The following EXOC4 variants were observed in gnomAD, a reference collection of about 807,000 sequenced individuals.
EXOC4 encodes SEC8-like 1.
EXOC4 carries 71 observed loss-of-function variants against 107.2 expected under a neutral mutation model. That is an observed-to-expected ratio of 0.66 (90% CI 0.55 to 0.81). The LOEUF (loss-of-function observed/expected upper bound fraction) is 0.81, where lower values mean the gene tolerates loss of function less well. Ranked by LOEUF, EXOC4 falls within the 30% of genes least tolerant of loss-of-function variation. EXOC4 has a pLI of 0.00. For synonymous variants in EXOC4, 456 were observed against 441.2 expected, an observed-to-expected ratio of 1.03 and a Z score of -0.42; for missense variants, 1,108 against 1,189.6, an observed-to-expected ratio of 0.93 and a Z score of 1.01.
At chr7:133,797,564 T>C (rs1796843356) in intron 10 of EXOC4, among the ~76,000 whole-genome samples, 1 of 152,216 alleles carries the variant, frequency 6.6e-6, no homozygotes. Flanking sequence ...ATGCATGGGC[T>C]AAATATAAGG....
chr7:133,500,930 A>T (rs1799563475), intron 9 of EXOC4, among the ~76,000 whole-genome samples: 1 of 152,146 alleles, frequency 6.6e-6, no homozygotes, highest in African/African-American at 2.4e-5. Flanking sequence ...CTCTTGTGAG[A>T]ATTCATCTAG....
chr7:133,895,874 ATAGCCTCCTAGACC>A, intron 12 of EXOC4, 139 bp downstream of exon 12: 1 of 881,648 alleles, frequency 1.1e-6, no homozygotes, highest in South Asian at 1.8e-5. Context: ...CATCATGGAA[ATAGCCTCCTAGACC>A]TTTGTGTAGT....
rs558951433 is a variant in EXOC4, at chr7:134,059,165, A to C, written c.2688-5126A>C. Among the ~76,000 whole-genome samples the C allele has an allele frequency of 4.6e-5, 7 of 152,312 alleles. No individual in the cohort carries two copies. The South Asian group carries it at 1.4e-3, about 32-fold the overall frequency. ...TACAGGCAAAGTTTATGGAACGCCT[A>C]CAAGTACAGGAACAAGAGTTGCCAT... On this transcript the variant is annotated intron_variant, in intron 17 of 17. Transcript: ENST00000253861.
At chr7:133,604,088 G>C (rs1434098719) in intron 9 of EXOC4, among the ~76,000 whole-genome samples, 1 of 151,806 alleles carries the variant, frequency 6.6e-6, no homozygotes, top group African/African-American at 2.4e-5. Context: ...ACAGGGTCAG[G>C]ATCATCAGTA....
At chr7:133,830,938 T>G (rs924355178) in intron 11 of EXOC4, among the ~76,000 whole-genome samples, 2 of 152,066 alleles carry the variant, frequency 1.3e-5, no homozygotes, top group Non-Finnish European at 2.9e-5. Flanking sequence ...TCACTTTCCT[T>G]TCTTCTGATG....
intron 10 of EXOC4, among the ~76,000 whole-genome samples, chr7:133,712,514 C>G (rs1462415743): frequency 6.7e-6 from 1 of 148,210 alleles, no homozygotes; most frequent in African/African-American, 2.5e-5. Flanking sequence ...CAAAAGGGTT[C>G]CACCATGATG....
chr7:133,453,865 T>C (rs1798404725), intron 7 of EXOC4, among the ~76,000 whole-genome samples: 1 of 152,152 alleles, frequency 6.6e-6, no homozygotes, highest in Non-Finnish European at 1.5e-5. Context: ...TTGTGACAGC[T>C]AGATGATTTT....
intron 13 of EXOC4, among the ~76,000 whole-genome samples, chr7:133,922,728 G>A (rs1799963787): frequency 6.6e-6 from 1 of 151,940 alleles, no homozygotes; most frequent in Non-Finnish European, 1.5e-5. Flanking sequence ...GGTGCCTGTA[G>A]TCCCCAGCTA....
intron 14 of EXOC4, among the ~76,000 whole-genome samples, chr7:133,942,033 C>T (rs928618284): frequency 1.3e-5 from 2 of 152,078 alleles, no homozygotes; most frequent in African/African-American, 2.4e-5. Flanking sequence ...AATTGTTAGA[C>T]TATTTTTCAG....
At chr7:133,253,957 TACTG>T (rs1172430953) in intron 1 of EXOC4, 4 of 152,200 alleles carry the variant, frequency 2.6e-5, no homozygotes, top group African/African-American at 9.6e-5. Flanking sequence ...ATGATGCAGG[TACTG>T]ACTAAAACCA....
chr7:133,583,121 G>GT (rs1019047321), intron 9 of EXOC4, among the ~76,000 whole-genome samples: 7 of 151,872 alleles, frequency 4.6e-5, no homozygotes, highest in South Asian at 2.1e-4. Flanking sequence ...TTTAGAGTGT[G>GT]TTTTTTTTCT....
At chr7:134,084,457 A>G in the EXOC4 span, among the ~76,000 whole-genome samples, 1 of 152,192 alleles carries the variant, frequency 6.6e-6, no homozygotes, top group African/African-American at 2.4e-5. Context: ...AAGAGTGACT[A>G]GTGGCACTGA....
At chr7:133,275,272 G>C in intron 2 of EXOC4, 101 bp downstream of exon 2, 1 of 998,310 alleles carries the variant, frequency 1.0e-6, no homozygotes, top group Non-Finnish European at 1.4e-6. Flanking sequence ...CCTTAACAAA[G>C]TGATTCAAAA....
At chr7:134,062,752 C>G (rs1369857761) in intron 17 of EXOC4, among the ~76,000 whole-genome samples, 1 of 152,214 alleles carries the variant, frequency 6.6e-6, no homozygotes, top group Non-Finnish European at 1.5e-5. Context: ...GCTTCAGAGT[C>G]CAGTAGACTG....
chr7:133,752,102 A>G lies in EXOC4; in HGVS notation c.1515-65223A>G, dbSNP rs1392869393. ...CAGGAGCCCAGGAGTTTGCAGGTAC[A>G]GTGAGCTATGATCGTGCCACTGCAC... On this transcript the variant is annotated intron_variant, in intron 10 of 17. Coordinates refer to ENST00000253861, the MANE Select transcript of EXOC4 (RefSeq NM_021807.4). 2.6e-5 allele frequency among the ~76,000 whole-genome samples: 4 copies of G among 152,204 alleles called. No individual in the cohort carries two copies. The East Asian group carries it at 5.8e-4, about 22-fold the overall frequency.
intron 11 of EXOC4, among the ~76,000 whole-genome samples, chr7:133,854,609 C>G (rs1416221341): frequency 6.6e-6 from 1 of 151,992 alleles, no homozygotes; most frequent in Non-Finnish European, 1.5e-5. Flanking sequence ...CTCCTTTAAT[C>G]CACTCAGCAG....
intron 10 of EXOC4, among the ~76,000 whole-genome samples, chr7:133,729,794 A>G (rs1474238693): frequency 1.3e-5 from 2 of 152,024 alleles, no homozygotes; most frequent in Admixed American, 6.6e-5. Flanking sequence ...ATCAGCTTTT[A>G]TATTTCTCCT....
chr7:133,998,086 T>C (rs1325953088), intron 15 of EXOC4, among the ~76,000 whole-genome samples: 1 of 152,214 alleles, frequency 6.6e-6, no homozygotes, highest in African/African-American at 2.4e-5. Context: ...ACTAAAGTGC[T>C]CTGCTAGTCA....
At chr7:133,912,438 C>T (rs928890006) in intron 12 of EXOC4, among the ~76,000 whole-genome samples, 1 of 152,166 alleles carries the variant, frequency 6.6e-6, no homozygotes, top group Non-Finnish European at 1.5e-5. Context: ...TATTCATTAC[C>T]TGATTTGTAT....
Sources: gnomAD v4.1 joint callset for allele counts (sites outside exome capture counted in the v4.1 genomes callset) on GRCh38, gnomAD v4.1.1 for gene constraint, MANE v1.5 for transcripts, NCBI Gene and HGNC (gene_info 2026-07-23, HGNC 2026-07-21) for gene names.